The following LRFN5 variants were observed in gnomAD, a reference collection of about 807,000 sequenced individuals.
LRFN5 encodes the protein leucine-rich repeat and fibronectin type-III domain-containing protein 5.
LRFN5 carries 24 observed loss-of-function variants against 45.6 expected under a neutral mutation model. The ratio of observed to expected loss-of-function variants is 0.53; its 90% confidence interval spans 0.38 to 0.74. The LOEUF is 0.74. Ranked by LOEUF, LRFN5 falls within the 30% of genes least tolerant of loss-of-function variation. The pLI is 0.00. For missense variants in LRFN5, 776 were observed against 861.5 expected, an observed-to-expected ratio of 0.90 and a Z score of 1.24; for synonymous variants, 340 against 313.8, an observed-to-expected ratio of 1.08 and a Z score of -0.88.
At chr14:41,676,007 T>C (rs1018977013) in intron 1 of LRFN5, among the ~76,000 whole-genome samples, 5 of 152,164 alleles carry the variant, frequency 3.3e-5, no homozygotes, top group East Asian at 1.9e-4. Context: ...ATGATACAGA[T>C]GGGTGTGAGC....
At chr14:41,671,616 CG>C (rs1881223501) in intron 1 of LRFN5, among the ~76,000 whole-genome samples, 4 of 37,222 alleles carry the variant, frequency 1.1e-4, no homozygotes, top group South Asian at 1.2e-3. Flanking sequence ...TTTTTTTTTT[CG>C]TTTTTTTTTT....
chr14:41,854,398 T>C (rs1229778797), intron 2 of LRFN5, among the ~76,000 whole-genome samples: 4 of 151,844 alleles, frequency 2.6e-5, no homozygotes, highest in African/African-American at 9.7e-5. Flanking sequence ...CATTAGGAGA[T>C]ATACCTAATG....
chr14:41,748,551 A>G (rs1885011114), intron 1 of LRFN5, among the ~76,000 whole-genome samples: 1 of 152,092 alleles, frequency 6.6e-6, no homozygotes, highest in Non-Finnish European at 1.5e-5. Flanking sequence ...GTTTTGCAAG[A>G]TGAAAAGAGT....
At chr14:41,772,940 C>T (rs192900646) in intron 2 of LRFN5, among the ~76,000 whole-genome samples, 1 of 152,238 alleles carries the variant, frequency 6.6e-6, no homozygotes, top group East Asian at 1.9e-4. Flanking sequence ...GTGATTTCTC[C>T]CGTAGACTAC....
chr14:41,878,263 C>A (rs1341149196), intron 2 of LRFN5, among the ~76,000 whole-genome samples: 2 of 152,044 alleles, frequency 1.3e-5, no homozygotes, highest in African/African-American at 2.4e-5. Flanking sequence ...ACATTTGTCC[C>A]CAGACATTAG....
At chr14:41,668,278 C>T (rs1036962348) in intron 1 of LRFN5, among the ~76,000 whole-genome samples, 1 of 151,858 alleles carries the variant, frequency 6.6e-6, no homozygotes, top group African/African-American at 2.4e-5. Flanking sequence ...ACAAAATAAG[C>T]CTCTTTTATA....
At chr14:41,726,986 T>C (rs1883962823) in intron 1 of LRFN5, among the ~76,000 whole-genome samples, 1 of 152,208 alleles carries the variant, frequency 6.6e-6, no homozygotes, top group Non-Finnish European at 1.5e-5. Context: ...TAATATGAAT[T>C]TTGTTGCAAA....
chr14:41,856,672 A>ATTTTTTTTTTTTT (rs1889465921), intron 2 of LRFN5, among the ~76,000 whole-genome samples: 4 of 5,982 alleles, frequency 6.7e-4, no homozygotes, highest in Admixed American at 2.6e-3. Context: ...TATTATTATT[A>ATTTTTTTTTTTTT]TTATTTTTTT....
chr14:41,756,976 G>T (rs191781515), intron 1 of LRFN5, among the ~76,000 whole-genome samples: 1 of 152,132 alleles, frequency 6.6e-6, no homozygotes, highest in African/African-American at 2.4e-5. Flanking sequence ...CCTTCTAACT[G>T]TCAGGACCCC....
chr14:41,728,568 G>A (rs929529353), intron 1 of LRFN5, among the ~76,000 whole-genome samples: 2 of 152,120 alleles, frequency 1.3e-5, no homozygotes, highest in Admixed American at 1.3e-4. Context: ...GTAAATGTTT[G>A]TAAATCCTTT....
intron 1 of LRFN5, among the ~76,000 whole-genome samples, chr14:41,655,739 G>T (rs1306734599): frequency 6.6e-6 from 1 of 151,938 alleles, no homozygotes; most frequent in African/African-American, 2.4e-5. Context: ...GTGGGAGGTG[G>T]TTAGATTCTA....
At chr14:41,860,472 A>G (rs1889622541) in intron 2 of LRFN5, among the ~76,000 whole-genome samples, 1 of 152,188 alleles carries the variant, frequency 6.6e-6, no homozygotes, top group African/African-American at 2.4e-5. Flanking sequence ...CAGTTCATCA[A>G]AATAGACTAT....
chr14:41,624,667 C>A (rs527684358), intron 1 of LRFN5, among the ~76,000 whole-genome samples: 39 of 152,168 alleles, frequency 2.6e-4, no homozygotes, highest in South Asian at 2.5e-3. Flanking sequence ...AATACTGTTA[C>A]TCTACATTAC....
chr14:41,611,509 C>T (rs547434171), intron 1 of LRFN5, among the ~76,000 whole-genome samples: 1 of 152,222 alleles, frequency 6.6e-6, no homozygotes, highest in South Asian at 2.1e-4. Context: ...CTTTGTAAGC[C>T]CTCTTTTAGT....
chr14:41,818,183 C>G (rs1175708835), intron 2 of LRFN5, among the ~76,000 whole-genome samples: 2 of 151,916 alleles, frequency 1.3e-5, no homozygotes, highest in African/African-American at 2.4e-5. Flanking sequence ...TTTTATTCTT[C>G]CCTTCCTGTT....
chr14:41,818,097 T>G (rs1248240629), intron 2 of LRFN5, among the ~76,000 whole-genome samples: 1 of 152,162 alleles, frequency 6.6e-6, no homozygotes, highest in Non-Finnish European at 1.5e-5. Context: ...GTTAAATTAT[T>G]ACTTATATAC....
chr14:41,894,304 A>C, intron 4 of LRFN5: 2 of 930,234 alleles, frequency 2.2e-6, no homozygotes, highest in Non-Finnish European at 2.6e-6. Context: ...TTTCTAATAA[A>C]GTTTGATTAA....
chr14:41,692,508 G>C (rs1445633726), intron 1 of LRFN5, among the ~76,000 whole-genome samples: 1 of 151,944 alleles, frequency 6.6e-6, no homozygotes. Flanking sequence ...TTGGTGTACT[G>C]CACCCATTAA....
Position 41,891,763 on chromosome 14 carries a change from G to GACTTCAAGC in LRFN5, c.1905_1913dup (p.Ser636_Ser638dup). The GACTTCAAGC allele has an allele frequency of 6.2e-7, 1 of 1,614,116 alleles. No individual in the cohort carries two copies. The highest frequency in any genetic ancestry group is 8.5e-7 in the Non-Finnish European group (1 of 1,180,030). On this transcript the variant is annotated inframe_insertion, in exon 4 of 6. Coordinates refer to ENST00000298119, the MANE Select transcript of LRFN5 (RefSeq NM_152447.5). ...CTACCTCTGCTTTGCCTCCTTCCTG[G>GACTTCAAGC]ACTTCAAGCACTTCTGTGTCCCAAA...
Sources: allele counts gnomAD v4.1 joint callset (sites outside exome capture counted in the v4.1 genomes callset), GRCh38; gene constraint gnomAD v4.1.1; transcripts MANE v1.5; gene names NCBI Gene and HGNC (gene_info 2026-07-23, HGNC 2026-07-21).